The following C1QTNF9 variants were observed in gnomAD, a reference collection of about 807,000 sequenced individuals.
The protein encoded by C1QTNF9 is C1q and TNF related 9.
C1QTNF9 carries 6 observed loss-of-function variants against 10.1 expected under a neutral mutation model. The observed-to-expected ratio is 0.59, with a 90% CI of 0.32 to 1.17. The LOEUF is 1.17. Ranked by LOEUF, C1QTNF9 falls within the 50% of genes most tolerant of loss-of-function variation. The pLI is 0.04. For synonymous variants in C1QTNF9, 98 were observed against 163.5 expected, an observed-to-expected ratio of 0.60 and a Z score of 3.06; for missense variants, 201 against 418.8, an observed-to-expected ratio of 0.48 and a Z score of 4.54.
exon 4 of C1QTNF9, chr13:24,321,351 G>A: frequency 1.2e-6 from 2 of 1,600,132 alleles, no homozygotes; most frequent in Non-Finnish European, 1.7e-6. Context: ...AAATCGGTGA[G>A]ACTCTAGTCT....
chr13:24,313,028 A>G (rs924547466), intron 1 of C1QTNF9, among the ~76,000 whole-genome samples: 5 of 151,966 alleles, frequency 3.3e-5, no homozygotes, highest in African/African-American at 7.3e-5. Context: ...AGCTATTCAG[A>G]AGGCTGAGGC....
At chr13:24,313,830 T>G (rs1236714347) in intron 1 of C1QTNF9, among the ~76,000 whole-genome samples, 1 of 152,240 alleles carries the variant, frequency 6.6e-6, no homozygotes, top group Non-Finnish European at 1.5e-5. Flanking sequence ...ACTTTGAGTT[T>G]TTGTCAATAT....
At chr13:24,307,923 T>C (rs1877659963), upstream of C1QTNF9, among the ~76,000 whole-genome samples, 2 of 152,180 alleles carry the variant, frequency 1.3e-5, no homozygotes, top group African/African-American at 4.8e-5. Flanking sequence ...GGAGCCCTTT[T>C]CCCTGTAAGC....
chr13:24,314,238 T>C (rs1475779470), intron 1 of C1QTNF9, among the ~76,000 whole-genome samples: 1 of 152,164 alleles, frequency 6.6e-6, no homozygotes, highest in Non-Finnish European at 1.5e-5. Context: ...TTGTTTTACT[T>C]CATTTTTTTA....
exon 4 of C1QTNF9, chr13:24,321,643 C>T: frequency 6.2e-7 from 1 of 1,614,186 alleles, no homozygotes. Flanking sequence ...CGGCATTGTC[C>T]TGCAGCTGAA....
chr13:24,308,249 A>AAGAGGGAAGCGGGAAGCGGGAAG (rs1427408470), upstream of C1QTNF9, among the ~76,000 whole-genome samples: 2 of 152,164 alleles, frequency 1.3e-5, no homozygotes, highest in African/African-American at 4.8e-5. Context: ...GGAAGCGGGG[A>AAGAGGGAAGCGGGAAGCGGGAAG]AGGGCCGGGC....
intron 1 of C1QTNF9, among the ~76,000 whole-genome samples, chr13:24,313,142 G>A (rs1877900052): frequency 6.6e-6 from 1 of 152,036 alleles, no homozygotes. Context: ...AACAGAAATA[G>A]TGGCACAACT....
chr13:24,311,275 G>A (rs1877810615), intron 1 of C1QTNF9, among the ~76,000 whole-genome samples: 1 of 152,196 alleles, frequency 6.6e-6, no homozygotes, highest in South Asian at 2.1e-4. Flanking sequence ...AGATTCTTTA[G>A]CAAAGGACAG....
chr13:24,321,546 A>G (rs2862239), exon 4 of C1QTNF9: 1,493,161 of 1,610,828 alleles, frequency 0.93, 692,028 homozygotes, highest in South Asian at 0.96. Flanking sequence ...TTTTCTCCAG[A>G]AATGTTCAGG....
upstream of C1QTNF9, among the ~76,000 whole-genome samples, chr13:24,309,397 C>G (rs756678159): frequency 2.6e-5 from 4 of 151,294 alleles, no homozygotes; most frequent in South Asian, 2.1e-4. Flanking sequence ...CTTTTCTAAA[C>G]TAAGTGGTGC....
intron 1 of C1QTNF9, among the ~76,000 whole-genome samples, chr13:24,311,141 A>G (rs1877806240): frequency 6.6e-6 from 1 of 152,184 alleles, no homozygotes; most frequent in Admixed American, 6.5e-5. Context: ...GCAGGTTTAC[A>G]TTAAATCTTA....
intron 2 of C1QTNF9, among the ~76,000 whole-genome samples, chr13:24,316,410 G>A (rs1878040257): frequency 6.6e-6 from 1 of 151,970 alleles, no homozygotes; most frequent in African/African-American, 2.4e-5. Context: ...AGAGCACAGG[G>A]CAAGATCGCC....
At chr13:24,315,712 CG>C (rs1471359938) in intron 1 of C1QTNF9, 14 of 502,390 alleles carry the variant, frequency 2.8e-5, no homozygotes, top group African/African-American at 2.3e-4. Context: ...AAATGATGAA[CG>C]GAAGAGTATC....
upstream of C1QTNF9, among the ~76,000 whole-genome samples, chr13:24,309,286 TATATA>T (rs1457649279): frequency 0.18 from 4,608 of 25,892 alleles, 564 homozygotes; most frequent in African/African-American, 0.29. Context: ...TAAAGTATTA[TATATA>T]TATATATATA....
intron 1 of C1QTNF9, among the ~76,000 whole-genome samples, chr13:24,311,207 T>C (rs4770643): frequency 0.31 from 47,338 of 152,016 alleles, 7,692 homozygotes; most frequent in African/African-American, 0.4. Flanking sequence ...GAATTAAGGA[T>C]ATGATGTTCT....
chr13:24,318,906 C>G (rs762832591), intron 3 of C1QTNF9, 26 bp downstream of exon 3: 19 of 1,612,652 alleles, frequency 1.2e-5, no homozygotes, highest in East Asian at 2.2e-5. Context: ...TTATGGTGCT[C>G]TAATTCTGAG....
At chr13:24,313,298 T>C (rs563375016) in intron 1 of C1QTNF9, among the ~76,000 whole-genome samples, 2 of 152,364 alleles carry the variant, frequency 1.3e-5, no homozygotes, top group East Asian at 3.9e-4. Context: ...AGAGTAACCA[T>C]TTGCTTCCAG....
intron 1 of C1QTNF9, among the ~76,000 whole-genome samples, chr13:24,310,780 T>C (rs1043666861): frequency 5.6e-4 from 84 of 151,260 alleles, no homozygotes; most frequent in Admixed American, 3.7e-3. Context: ...GGCGTGGTGG[T>C]GGGCGCCTGT....
rs1329649413 is a variant in C1QTNF9 at position 24,315,778 on chromosome 13, A to G, written c.-22-204A>G. On this transcript the variant is annotated intron_variant, in intron 1 of 3. Transcript: ENST00000332018. Reference sequence around the variant, plus strand: ...CCGTTCACCTTGAAGAGTGGTTCCAATCACAAGTGTTACCTTCCAAGGACA... The same window carrying G: ...CCGTTCACCTTGAAGAGTGGTTCCAGTCACAAGTGTTACCTTCCAAGGACA... 1.2e-5 allele frequency: 7 copies of G among 571,630 alleles called. No homozygotes were observed. In the East Asian group the frequency reaches 2.0e-4, roughly 16 times the overall value. 35.4% of individuals were successfully genotyped at this position (571,630 alleles called of 1,614,324 possible).
Sources: gnomAD v4.1 joint callset for allele counts (sites outside exome capture counted in the v4.1 genomes callset) on GRCh38, gnomAD v4.1.1 for gene constraint, MANE v1.5 for transcripts, NCBI Gene and HGNC (gene_info 2026-07-23, HGNC 2026-07-21) for gene names.